ESR1: variants seen among roughly 807,000 people sequenced by gnomAD.
ESR1 encodes the protein estrogen receptor 1.
A neutral mutation model predicts 52.7 loss-of-function variants in ESR1; 12 were observed. The ratio of observed to expected loss-of-function variants is 0.23; its 90% confidence interval spans 0.15 to 0.37. The LOEUF is 0.37. Ranked by LOEUF, ESR1 falls within the 10% of genes least tolerant of loss-of-function variation. The pLI is 1.00. For missense variants in ESR1, 584 were observed against 779.7 expected (o/e 0.75, Z 2.99); for synonymous variants, 305 against 316.8 (o/e 0.96, Z 0.39).
At chr6:151,685,306 T>C (rs1389389234) in intron 1 of ESR1, among the ~76,000 whole-genome samples, 2 of 151,206 alleles carry the variant, frequency 1.3e-5, no homozygotes, top group African/African-American at 4.9e-5. Flanking sequence ...GCTAATTTTT[T>C]GTATTTTTAG....
intron 1 of ESR1, among the ~76,000 whole-genome samples, chr6:151,695,474 T>A (rs1227208904): frequency 6.6e-6 from 1 of 152,218 alleles, no homozygotes; most frequent in Non-Finnish European, 1.5e-5. Flanking sequence ...CACTGGCTTT[T>A]TGACATTTCT....
At chr6:151,923,086 C>G (rs549184004) in intron 3 of ESR1, among the ~76,000 whole-genome samples, 1 of 152,116 alleles carries the variant, frequency 6.6e-6, no homozygotes, top group Admixed American at 6.5e-5. Flanking sequence ...TACTCATGTA[C>G]GAAACAACTT....
At chr6:151,896,328 G>C (rs1354944719) in intron 3 of ESR1, among the ~76,000 whole-genome samples, 1 of 152,066 alleles carries the variant, frequency 6.6e-6, no homozygotes, top group Non-Finnish European at 1.5e-5. Context: ...TTTTTGTGTT[G>C]TTGGTAATTT....
intron 1 of ESR1, among the ~76,000 whole-genome samples, chr6:151,816,427 T>C (rs760978526): frequency 9.9e-5 from 15 of 152,208 alleles, no homozygotes; most frequent in Non-Finnish European, 1.8e-4. Context: ...CTACATCGTT[T>C]GGATGATGTG....
chr6:151,762,276 T>C (rs1042502680), intron 2 of ESR1, among the ~76,000 whole-genome samples: 2 of 152,240 alleles, frequency 1.3e-5, no homozygotes, highest in Non-Finnish European at 2.9e-5. Flanking sequence ...TTTACTAAGG[T>C]GTATGCATGT....
At chr6:151,670,108 C>G (rs1021774751) in intron 1 of ESR1, among the ~76,000 whole-genome samples, 1 of 152,172 alleles carries the variant, frequency 6.6e-6, no homozygotes, top group African/African-American at 2.4e-5. Flanking sequence ...GCCGTAACTC[C>G]TCCATTCTCC....
At chr6:151,725,319 T>C (rs1050184416) in intron 2 of ESR1, among the ~76,000 whole-genome samples, 4 of 152,142 alleles carry the variant, frequency 2.6e-5, no homozygotes, top group African/African-American at 9.7e-5. Flanking sequence ...CATGTGGTTG[T>C]GGGGGGCAGG....
intron 1 of ESR1, among the ~76,000 whole-genome samples, chr6:151,681,016 T>G (rs1223781464): frequency 6.6e-6 from 1 of 152,124 alleles, no homozygotes; most frequent in Non-Finnish European, 1.5e-5. Flanking sequence ...CTTGGCCTCC[T>G]TACCTGTTCT....
intron 2 of ESR1, among the ~76,000 whole-genome samples, chr6:151,702,880 C>A (rs1016961912): frequency 1.3e-5 from 2 of 152,190 alleles, no homozygotes; most frequent in East Asian, 1.9e-4. Context: ...TGTATCTATG[C>A]AGCATTTTGC....
chr6:151,901,584 AG>A (rs1017168810), intron 3 of ESR1, among the ~76,000 whole-genome samples: 1 of 152,196 alleles, frequency 6.6e-6, no homozygotes, highest in African/African-American at 2.4e-5. Flanking sequence ...ATGGCTTATT[AG>A]GGGACCCAGA....
chr6:152,031,298 C>T (rs2044677366), intron 5 of ESR1, among the ~76,000 whole-genome samples: 1 of 151,994 alleles, frequency 6.6e-6, no homozygotes, highest in Non-Finnish European at 1.5e-5. Flanking sequence ...CAGAGCAGAA[C>T]TGAAGGAGAT....
intron 3 of ESR1, among the ~76,000 whole-genome samples, chr6:151,923,947 G>T (rs1562552977): frequency 6.6e-6 from 1 of 152,342 alleles, no homozygotes; most frequent in African/African-American, 2.4e-5. Flanking sequence ...GAGAGTTCTT[G>T]ATGCTCGACA....
intron 1 of ESR1, among the ~76,000 whole-genome samples, chr6:151,698,022 G>A (rs1033363296): frequency 5.3e-5 from 8 of 150,886 alleles, no homozygotes; most frequent in South Asian, 4.2e-4. Flanking sequence ...CGCTTGAACC[G>A]GGAGGTGGAG....
chr6:152,060,954 T>TTTTTA, intron 5 of ESR1, 37 bp from the exon 6 acceptor site: 3 of 1,506,522 alleles, frequency 2.0e-6, no homozygotes, highest in East Asian at 2.5e-5. Context: ...TTTTTAATCT[T>TTTTTA]TTTATTTATT....
intron 2 of ESR1, among the ~76,000 whole-genome samples, chr6:151,776,052 G>A (rs749485740): frequency 6.6e-6 from 1 of 152,140 alleles, no homozygotes; most frequent in African/African-American, 2.4e-5. Context: ...ATAGGAAATG[G>A]GTGGATAATT....
At chr6:151,854,962 G>A (rs1787540811) in intron 2 of ESR1, among the ~76,000 whole-genome samples, 1 of 152,158 alleles carries the variant, frequency 6.6e-6, no homozygotes, top group Non-Finnish European at 1.5e-5. Flanking sequence ...TGCCCAGGTT[G>A]GAGTGCAGTG....
intron 2 of ESR1, among the ~76,000 whole-genome samples, chr6:151,715,811 C>T (rs1297265506): frequency 1.3e-5 from 2 of 152,126 alleles, no homozygotes; most frequent in Admixed American, 6.5e-5. Flanking sequence ...TTTGTTATTA[C>T]TCACCTTCTG....
At chr6:151,936,585 A>T (rs540703417) in intron 3 of ESR1, among the ~76,000 whole-genome samples, 2 of 152,342 alleles carry the variant, frequency 1.3e-5, no homozygotes, top group Admixed American at 1.3e-4. Flanking sequence ...ATTATTGGAA[A>T]CTTCTGCTTC....
intron 1 of ESR1, among the ~76,000 whole-genome samples, chr6:151,677,128 G>A (rs980281): frequency 0.49 from 74,108 of 152,040 alleles, 18,125 homozygotes; most frequent in South Asian, 0.57. Context: ...TGCAACTACA[G>A]GTACCAAGCT....
Sources: allele counts gnomAD v4.1 joint callset (sites outside exome capture counted in the v4.1 genomes callset), GRCh38; gene constraint gnomAD v4.1.1; transcripts MANE v1.5; gene names NCBI Gene and HGNC (gene_info 2026-07-23, HGNC 2026-07-21).